Variants in DENND4C observed in about 807,000 individuals in gnomAD.
The protein encoded by DENND4C is DENN domain containing 4C.
A neutral mutation model predicts 203.0 loss-of-function variants in DENND4C; 108 were observed. The ratio of observed to expected loss-of-function variants is 0.53; its 90% CI spans 0.46 to 0.62. The LOEUF is 0.62. Ranked by LOEUF, DENND4C falls within the 20% of genes least tolerant of loss-of-function variation. The probability of loss-of-function intolerance (pLI) is 0.00; values close to 1 mark genes in which losing one functional copy is unlikely to be tolerated. For synonymous variants in DENND4C, 871 were observed against 792.4 expected (o/e 1.10, Z -1.67); for missense variants, 2,481 against 2,301.2 (o/e 1.08, Z -1.60).
intron 30 of DENND4C, among the ~76,000 whole-genome samples, chr9:19,367,409 T>C (rs1204901974): frequency 6.6e-6 from 1 of 152,220 alleles, no homozygotes; most frequent in Non-Finnish European, 1.5e-5. Flanking sequence ...ATTTGCATAA[T>C]AGCCAAAAAT....
At chr9:19,290,305 C>G (rs1836031359) in intron 4 of DENND4C, among the ~76,000 whole-genome samples, 1 of 152,196 alleles carries the variant, frequency 6.6e-6, no homozygotes, top group Admixed American at 6.5e-5. Context: ...TCTGTTGCCT[C>G]AGCATTATTT....
intron 8 of DENND4C, 43 bp downstream of exon 8, chr9:19,299,330 C>T: frequency 1.5e-6 from 2 of 1,335,162 alleles, no homozygotes; most frequent in Non-Finnish European, 1.0e-6. Flanking sequence ...TCAGTTGGAG[C>T]AGAATGCTTT....
intron 2 of DENND4C, among the ~76,000 whole-genome samples, chr9:19,283,503 AT>A (rs1321653944): frequency 6.6e-6 from 1 of 151,978 alleles, no homozygotes; most frequent in Non-Finnish European, 1.5e-5. Context: ...CCACCATAGT[AT>A]ATGCAGTCTG....
At chr9:19,288,462 AC>A in intron 3 of DENND4C, 133 bp from the exon 4 acceptor site, 1 of 438,594 alleles carries the variant, frequency 2.3e-6, no homozygotes, top group Non-Finnish European at 3.8e-6. Flanking sequence ...TGTATTTTAT[AC>A]TGCATAGTTC....
At chr9:19,311,675 A>G (rs1840770724) in intron 10 of DENND4C, among the ~76,000 whole-genome samples, 1 of 152,134 alleles carries the variant, frequency 6.6e-6, no homozygotes, top group Non-Finnish European at 1.5e-5. Flanking sequence ...CACCTCACTC[A>G]TTATAGGAGA....
chr9:19,350,020 C>T (rs1379173700), intron 23 of DENND4C, among the ~76,000 whole-genome samples: 1 of 152,046 alleles, frequency 6.6e-6, no homozygotes, highest in Admixed American at 6.6e-5. Flanking sequence ...AATCATGTAA[C>T]ATGGTTTTAT....
chr9:19,246,414 CTCTTAGCTGTTTT>C (rs1295215881), intron 1 of DENND4C, among the ~76,000 whole-genome samples: 2 of 152,118 alleles, frequency 1.3e-5, no homozygotes, highest in Non-Finnish European at 2.9e-5. Context: ...TCCTTCTAGA[CTCTTAGCTGTTTT>C]TTAGAAAATT....
intron 1 of DENND4C, among the ~76,000 whole-genome samples, chr9:19,259,590 C>T (rs199671068): frequency 5.2e-4 from 78 of 151,068 alleles, no homozygotes; most frequent in African/African-American, 1.5e-3. Flanking sequence ...CTGCAGCCTC[C>T]GCCTCCCAGG....
At chr9:19,260,633 G>A (rs1829125951) in intron 1 of DENND4C, among the ~76,000 whole-genome samples, 1 of 152,060 alleles carries the variant, frequency 6.6e-6, no homozygotes, top group South Asian at 2.1e-4. Context: ...CCTCACCTAG[G>A]TGATCCACCC....
intron 1 of DENND4C, among the ~76,000 whole-genome samples, chr9:19,259,505 C>CTTTTTTTTTTTTTTTTTTTTT (rs1021585159): frequency 7.6e-6 from 1 of 131,500 alleles, no homozygotes; most frequent in African/African-American, 2.8e-5. Flanking sequence ...TTTCTTTTTT[C>CTTTTTTTTTTTTTTTTTTTTT]TTTTTTTTTT....
At chr9:19,324,532 G>A (rs767761790) in intron 13 of DENND4C, 25 bp downstream of exon 13, 13 of 1,585,564 alleles carry the variant, frequency 8.2e-6, no homozygotes, top group Admixed American at 4.0e-5. Flanking sequence ...TTATACTAGT[G>A]TTTAGAAAAA....
chr9:19,357,230 A>T lies in DENND4C; in HGVS notation c.4964+76A>T, dbSNP rs759444908. 2.8e-6 allele frequency: 4 copies of T among 1,452,924 alleles called. No homozygotes were observed. In the African/African-American group the frequency reaches 5.6e-5, roughly 20 times the overall value. The allele number at this position is 1,452,924 out of a possible 1,614,324, so 90.0% of individuals were successfully genotyped here. A position where few individuals can be genotyped will look rare whatever the true frequency, so the allele number is the denominator to read the frequency against. ...TGTAAAAATTCTGTCTCTAAAGACA[A>T]CCTGACTCATATAGGCATAAGTTCT... On this transcript the variant is annotated intron_variant, in intron 27 of 32. Transcript: ENST00000434457.
rs1841863190 is a variant in DENND4C, at chr9:19,316,435, C to T, written c.1506C>T (p.Asn502=). 1.2e-6 allele frequency: 2 copies of T among 1,613,332 alleles called. No individual in the cohort carries two copies. The highest frequency in any genetic ancestry group is 2.2e-5 in the East Asian group (1 of 44,832). ...NMLYVSDEKK[N]MNWKQLPKKP... ...TTAATAGATCAGATGAAAAGAAGAACATGAACTGGAAGCAACTTCCCAAAA... is the reference window on the plus strand; with the variant it reads ...TTAATAGATCAGATGAAAAGAAGAATATGAACTGGAAGCAACTTCCCAAAA... The change falls in exon 11 of 33, where the codon AAC becomes AAT. Residue 502 remains asparagine (N), a synonymous_variant. Coordinates refer to ENST00000434457, the MANE Select transcript of DENND4C (RefSeq NM_001330640.2).
intron 9 of DENND4C, among the ~76,000 whole-genome samples, chr9:19,303,108 G>A (rs1838933057): frequency 6.6e-6 from 1 of 151,446 alleles, no homozygotes; most frequent in Non-Finnish European, 1.5e-5. Context: ...TTGGATTTTG[G>A]CATGTTTGCA....
Position 19,346,351 on chromosome 9 carries a change from C to G in DENND4C, c.3582C>G (p.Asp1194Glu). ...SQELLEPVVD[D>E]VPKTTATVDT... ...AACTCCTTGAGCCTGTGGTTGATGA[C>G]GTACCTAAAACTACTGCAACAGTAG... The change falls in exon 23 of 33, where the codon GAC (aspartate) becomes GAG (glutamate). Residue 1194 changes from aspartate to glutamate, a missense_variant. Physicochemically the swap from Asp to Glu is conservative, Grantham distance 45. This residue lies in a region of DENND4C where 2,289 missense variants were observed against 2,113.3 expected (regional missense o/e 1.08). Coordinates refer to ENST00000434457, the MANE Select transcript of DENND4C (RefSeq NM_001330640.2). 6.2e-7 allele frequency: 1 copy of G among 1,614,102 alleles called. No homozygotes were observed. The highest frequency in any genetic ancestry group is 8.5e-7 in the Non-Finnish European group (1 of 1,180,038).
chr9:19,283,836 C>G (rs562112698), intron 2 of DENND4C, among the ~76,000 whole-genome samples: 1 of 152,034 alleles, frequency 6.6e-6, no homozygotes, highest in Admixed American at 6.6e-5. Context: ...CTCAGGTGAT[C>G]CGCCCACTTC....
At chr9:19,257,324 C>G (rs567904338) in intron 1 of DENND4C, among the ~76,000 whole-genome samples, 1 of 149,482 alleles carries the variant, frequency 6.7e-6, no homozygotes. Flanking sequence ...TCACTACACT[C>G]CAGCCTAGGT....
chr9:19,236,174 A>G (rs1821927639), intron 1 of DENND4C, among the ~76,000 whole-genome samples: 1 of 152,080 alleles, frequency 6.6e-6, no homozygotes, highest in Admixed American at 6.6e-5. Context: ...GCCCTTTTCT[A>G]TCTGCTAGGA....
At chr9:19,234,821 C>T (rs1174019911) in intron 1 of DENND4C, among the ~76,000 whole-genome samples, 1 of 151,650 alleles carries the variant, frequency 6.6e-6, no homozygotes, top group South Asian at 2.1e-4. Context: ...TGATTACAGG[C>T]GTGAGCCACT....
Sources: allele counts gnomAD v4.1 joint callset (sites outside exome capture counted in the v4.1 genomes callset), GRCh38; gene constraint gnomAD v4.1.1; regional missense constraint gnomAD v4.1.1; transcripts MANE v1.5; gene names NCBI Gene and HGNC (gene_info 2026-07-23, HGNC 2026-07-21).